Variants in ANO1 observed in about 807,000 individuals in gnomAD.
ANO1 encodes anoctamin 1.
In ANO1, 59 loss-of-function variants were observed where a neutral mutation model predicts 124.0. The ratio of observed to expected loss-of-function variants is 0.48; its 90% CI spans 0.39 to 0.59. ANO1 has a LOEUF of 0.59. Among genes scored for constraint, ANO1 ranks in the 20% least tolerant of loss-of-function variants. ANO1 has a pLI of 0.00. For synonymous variants in ANO1, 529 were observed against 532.0 expected, an observed-to-expected ratio of 0.99 and a Z score of 0.08; for missense variants, 1,059 against 1,328.0, an observed-to-expected ratio of 0.80 and a Z score of 3.15.
At chr11:70,162,875 G>T (rs1018090427) in intron 18 of ANO1, among the ~76,000 whole-genome samples, 7 of 152,234 alleles carry the variant, frequency 4.6e-5, no homozygotes, top group Non-Finnish European at 8.8e-5. Context: ...TGCCCCAGCT[G>T]CCCAAGGTCC....
intron 1 of ANO1, among the ~76,000 whole-genome samples, chr11:70,014,160 A>G (rs1856655127): frequency 2.0e-5 from 3 of 150,472 alleles, no homozygotes; most frequent in African/African-American, 7.5e-5. Flanking sequence ...GTTTTAACAT[A>G]TCAACTGGGG....
chr11:70,081,966 T>G (rs969421793), intron 1 of ANO1, among the ~76,000 whole-genome samples: 18 of 152,248 alleles, frequency 1.2e-4, no homozygotes, highest in African/African-American at 4.3e-4. Context: ...CCCTCAGTTA[T>G]GCAGAAGGAA....
chr11:70,080,790 G>C (rs924678098), intron 1 of ANO1, among the ~76,000 whole-genome samples: 2 of 152,228 alleles, frequency 1.3e-5, no homozygotes, highest in Admixed American at 6.5e-5. Flanking sequence ...GGCGCGCGCT[G>C]TGGGAGGCAG....
At chr11:70,038,989 C>T (rs1445692872) in intron 1 of ANO1, among the ~76,000 whole-genome samples, 1 of 151,966 alleles carries the variant, frequency 6.6e-6, no homozygotes, top group African/African-American at 2.4e-5. Flanking sequence ...AAGGTTATCT[C>T]TCAGGGAAAA....
intron 2 of ANO1, among the ~76,000 whole-genome samples, chr11:70,095,315 AGAAAG>A (rs1565193451): frequency 5.0e-5 from 4 of 80,142 alleles, no homozygotes; most frequent in Non-Finnish European, 5.7e-5. Flanking sequence ...AAAGAAAGAA[AGAAAG>A]GAAAGAAAGA....
Position 70,188,261 on chromosome 11 carries a change from G to C in ANO1, c.*257G>C. 1.8e-6 allele frequency: 1 copy of C among 541,140 alleles called. No homozygotes were observed. The highest frequency in any genetic ancestry group is 2.4e-5 in the South Asian group (1 of 40,850). 33.5% of individuals were successfully genotyped at this position (541,140 alleles called of 1,614,324 possible). ...GAATCAAAATGATGGCTGGTAATAC[G>C]GCAATAAGGTAGCAAAGGCAGGTGC... On this transcript the variant is annotated 3_prime_UTR_variant, in exon 26 of 26. Transcript: ENST00000355303.
intron 2 of ANO1, among the ~76,000 whole-genome samples, chr11:70,093,685 C>T (rs563520865): frequency 1.4e-4 from 22 of 152,358 alleles, no homozygotes; most frequent in South Asian, 8.3e-4. Context: ...ACTGGCTCGC[C>T]GCTGGTTCTC....
At chr11:70,010,179 G>GTATATATATATATATATA (rs71926266) in intron 1 of ANO1, among the ~76,000 whole-genome samples, 43 of 83,802 alleles carry the variant, frequency 5.1e-4, no homozygotes, top group Non-Finnish European at 7.7e-4. Flanking sequence ...GTGTGTGTGT[G>GTATATATATATATATATA]TATATATATA....
chr11:70,096,059 G>T (rs774823221), intron 2 of ANO1, among the ~76,000 whole-genome samples: 5 of 152,110 alleles, frequency 3.3e-5, no homozygotes, highest in Non-Finnish European at 7.3e-5. Context: ...TTTCTATCTC[G>T]GTCACTTCAG....
At chr11:70,105,077 C>T (rs78411471) in intron 4 of ANO1, among the ~76,000 whole-genome samples, 4,131 of 152,134 alleles carry the variant, frequency 0.027, 110 homozygotes, top group East Asian at 0.095. Flanking sequence ...TTCCAGGACC[C>T]CCGCCGACCT....
At chr11:70,177,032 G>T (rs1436990447) in intron 22 of ANO1, among the ~76,000 whole-genome samples, 1 of 152,130 alleles carries the variant, frequency 6.6e-6, no homozygotes, top group Admixed American at 6.5e-5. Context: ...GCTCCATCGG[G>T]GCCCGGAAGC....
intron 11 of ANO1, among the ~76,000 whole-genome samples, chr11:70,145,549 G>A (rs2047337735): frequency 6.6e-6 from 1 of 151,702 alleles, no homozygotes; most frequent in Non-Finnish European, 1.5e-5. Context: ...TTACATTCTA[G>A]GCTCCAGTCT....
chr11:70,152,118 C>T (rs139535409), intron 12 of ANO1, among the ~76,000 whole-genome samples: 16,865 of 152,014 alleles, frequency 0.11, 1,004 homozygotes, highest in Middle Eastern at 0.15. Context: ...GGGCGGATCA[C>T]GAGGTCAGGA....
At chr11:70,056,157 C>T (rs1353712979) in intron 1 of ANO1, 4 of 151,982 alleles carry the variant, frequency 2.6e-5, no homozygotes, top group Non-Finnish European at 5.9e-5. Context: ...GGATTATTTT[C>T]CCTCTGTCTA....
rs2135880162 is a variant in ANO1, at chr11:70,188,503, G to T, written c.*499G>T. On this transcript the variant is annotated 3_prime_UTR_variant, in exon 26 of 26. Transcript: ENST00000355303. ...CGGTTCCAAAAGGTGTCACCTACCT[G>T]TTTCAGAAAAGTTAGACTTTCCATC... 6.4e-6 allele frequency: 1 copy of T among 155,516 alleles called. No individual in the cohort carries two copies. Among genetic ancestry groups the T allele is most frequent in the South Asian group, 2.0e-4 (1 of 5,038 alleles). The allele number at this position is 155,516 out of a possible 1,614,324, so 9.6% of individuals were successfully genotyped here.
chr11:70,127,333 C>T (rs948304685), intron 10 of ANO1, among the ~76,000 whole-genome samples: 2 of 152,172 alleles, frequency 1.3e-5, no homozygotes, highest in Non-Finnish European at 2.9e-5. Flanking sequence ...CTTATCTGCA[C>T]GGCCCCGAGA....
rs1464709583 is a variant in ANO1 at position 70,111,693 on chromosome 11, C to T, written c.800-14C>T. ...CGCCTGCCCCATAACCTTCTCTCTG[C>T]CTCTGTTTTTAAGGCATCACGAGCC... On this transcript the variant is annotated splice_polypyrimidine_tract_variant and intron_variant, in intron 6 of 25. Transcript: ENST00000355303. 1 of 1,613,962 alleles carries T rather than the reference C, an allele frequency of 6.2e-7. No homozygotes were observed. Among genetic ancestry groups the T allele is most frequent in the African/African-American group, 1.3e-5 (1 of 75,066 alleles).
At chr11:70,112,523 CAT>C (rs2045823676) in intron 7 of ANO1, among the ~76,000 whole-genome samples, 2 of 151,256 alleles carry the variant, frequency 1.3e-5, no homozygotes, top group Admixed American at 1.3e-4. Context: ...GGTCAGGAAT[CAT>C]AACTTGTCCT....
At chr11:70,078,858 C>A in intron 1 of ANO1, 144 bp downstream of exon 1, 1 of 300,088 alleles carries the variant, frequency 3.3e-6, no homozygotes, top group Non-Finnish European at 5.3e-6. Flanking sequence ...CCCACCCGCG[C>A]ACGTGCGTGC....
Sources: allele counts gnomAD v4.1 joint callset (sites outside exome capture counted in the v4.1 genomes callset), GRCh38; gene constraint gnomAD v4.1.1; transcripts MANE v1.5; gene names NCBI Gene and HGNC (gene_info 2026-07-23, HGNC 2026-07-21).